ITPR2: variants seen among roughly 807,000 people sequenced by gnomAD.
ITPR2 encodes inositol 1,4,5-trisphosphate receptor type 2, also known as inositol 1,4,5-trisphosphate-gated calcium channel ITPR2.
Under a neutral mutation model 317.1 loss-of-function variants are expected in ITPR2, and 207 were observed. The observed-to-expected ratio is 0.65, with a 90% CI of 0.58 to 0.73. The LOEUF is 0.73. Among genes scored for constraint, ITPR2 ranks in the 30% least tolerant of loss-of-function variants. The pLI is 0.00. For synonymous variants in ITPR2, 1,156 were observed against 1,149.1 expected, an observed-to-expected ratio of 1.01 and a Z score of -0.12; for missense variants, 2,613 against 3,284.0, an observed-to-expected ratio of 0.80 and a Z score of 4.99.
At chr12:26,471,966 A>G (rs1942299683) in intron 45 of ITPR2, among the ~76,000 whole-genome samples, 1 of 152,222 alleles carries the variant, frequency 6.6e-6, no homozygotes, top group South Asian at 2.1e-4. Flanking sequence ...GGAACTTGGA[A>G]ACAATCTTAG....
intron 45 of ITPR2, among the ~76,000 whole-genome samples, chr12:26,461,647 T>C (rs1352398592): frequency 1.2e-3 from 38 of 31,494 alleles, no homozygotes; most frequent in Non-Finnish European, 4.7e-3. Flanking sequence ...TATATATATA[T>C]ATATATATAT....
chr12:26,526,652 C>A (rs925986946), intron 37 of ITPR2, among the ~76,000 whole-genome samples: 9 of 151,982 alleles, frequency 5.9e-5, no homozygotes, highest in African/African-American at 1.9e-4. Flanking sequence ...TTGGAGGTTA[C>A]AAATACTGAA....
intron 55 of ITPR2, among the ~76,000 whole-genome samples, chr12:26,376,368 C>T (rs1939344606): frequency 6.6e-6 from 1 of 152,160 alleles, no homozygotes; most frequent in African/African-American, 2.4e-5. Flanking sequence ...CCCCAGTGCT[C>T]AACCCTCCCT....
At chr12:26,795,024 T>C (rs1365045548) in intron 1 of ITPR2, among the ~76,000 whole-genome samples, 1 of 152,262 alleles carries the variant, frequency 6.6e-6, no homozygotes, top group Non-Finnish European at 1.5e-5. Context: ...TATTCCAGCT[T>C]TAGCATCTCA....
chr12:26,357,029 G>A (rs1172617420), intron 55 of ITPR2, among the ~76,000 whole-genome samples: 1 of 152,006 alleles, frequency 6.6e-6, no homozygotes, highest in Non-Finnish European at 1.5e-5. Context: ...TTTTATGATT[G>A]GCCAATCATA....
In ITPR2 at chr12:26,572,960, A is replaced by C. The variant is rs566828061; in HGVS notation, c.4630+5753T>G. On this transcript the variant is annotated intron_variant, in intron 34 of 56. Coordinates refer to ENST00000381340, the MANE Select transcript of ITPR2 (RefSeq NM_002223.4). Reference sequence around the variant, plus strand: ...ACAGGACTTTTGGGGCAACATGATAAAGCATAAAATTCGTACTCAAAAGAA... The same window carrying C: ...ACAGGACTTTTGGGGCAACATGATACAGCATAAAATTCGTACTCAAAAGAA... 2.0e-5 allele frequency among the ~76,000 whole-genome samples: 3 copies of C among 148,302 alleles called. No homozygotes were observed. The South Asian group carries it at 6.6e-4, about 33-fold the overall frequency.
chr12:26,713,403 T>C (rs1948684288), intron 8 of ITPR2, among the ~76,000 whole-genome samples: 2 of 152,166 alleles, frequency 1.3e-5, no homozygotes, highest in South Asian at 4.1e-4. Context: ...CTACCACCGA[T>C]ATAAACTGGC....
intron 55 of ITPR2, among the ~76,000 whole-genome samples, chr12:26,368,564 A>G (rs7137818): frequency 0.98 from 148,520 of 152,216 alleles, 72,572 homozygotes; most frequent in Non-Finnish European, 1. Flanking sequence ...CAGCTAGGAA[A>G]TGGCCAAGCT....
rs371574347 is a variant in ITPR2 at position 26,383,562 on chromosome 12, C to A, written c.7857+3872G>T. On this transcript the variant is annotated intron_variant, in intron 55 of 56. Transcript: ENST00000381340. ...GCAGTGGCGTGATCTCGGCTTACTA[C>A]AAGCTCCACCTCCCAGGTTCTCACC... is the stretch of plus-strand genomic sequence containing the variant. 1.4e-3 allele frequency among the ~76,000 whole-genome samples: 214 copies of A among 152,002 alleles called. 4 individuals are homozygous for A. The South Asian group carries it at 0.037, about 26-fold the overall frequency.
chr12:26,578,903 A>G (rs1437813682), intron 33 of ITPR2, 70 bp from the exon 34 acceptor site: 4 of 1,437,634 alleles, frequency 2.8e-6, no homozygotes, highest in Non-Finnish European at 3.8e-6. Flanking sequence ...GCATCTATGC[A>G]TTCTCAGAAA....
rs1238513859 is a variant in ITPR2, at chr12:26,724,520, T to TACGTCACAAC, written c.366+126_366+135dup. ...CACATATCAAATGAATACATCACAA[T>TACGTCACAAC]ACGTCACAACATCGATAATTCCCAT... On this transcript the variant is annotated intron_variant, in intron 4 of 56. Transcript: ENST00000381340. The TACGTCACAAC allele has an allele frequency of 7.5e-6, 5 of 665,576 alleles. No homozygotes were observed. In the African/African-American group the frequency reaches 9.1e-5, roughly 12 times the overall value. The allele number at this position is 665,576 out of a possible 1,614,324, so 41.2% of individuals were successfully genotyped here.
At chr12:26,533,211 T>C (rs1340603293) in intron 37 of ITPR2, among the ~76,000 whole-genome samples, 1 of 152,232 alleles carries the variant, frequency 6.6e-6, no homozygotes, top group Non-Finnish European at 1.5e-5. Context: ...ATGTTTTGAC[T>C]TTCTGCTAAA....
intron 2 of ITPR2, among the ~76,000 whole-genome samples, chr12:26,741,775 G>A (rs1183951658): frequency 2.6e-5 from 4 of 152,202 alleles, no homozygotes; most frequent in African/African-American, 9.7e-5. Flanking sequence ...AGTCCCCTCA[G>A]AAACCCATAG....
chr12:26,420,158 A>G (rs150106249), intron 49 of ITPR2, among the ~76,000 whole-genome samples: 13 of 152,292 alleles, frequency 8.5e-5, no homozygotes, highest in African/African-American at 3.1e-4. Context: ...CCATCTATTT[A>G]GTTCTAGAAT....
chr12:26,773,029 T>G (rs988520202), intron 2 of ITPR2, among the ~76,000 whole-genome samples: 2 of 152,154 alleles, frequency 1.3e-5, no homozygotes, highest in Non-Finnish European at 2.9e-5. Context: ...CCTGTATTAG[T>G]TTGCTTAGAA....
chr12:26,723,569 A>G (rs181034088), intron 4 of ITPR2, among the ~76,000 whole-genome samples: 3 of 152,306 alleles, frequency 2.0e-5, no homozygotes, highest in Admixed American at 6.5e-5. Context: ...CAGGTTTCAC[A>G]TTATCCATCA....
chr12:26,547,826 G>A (rs138478500), intron 37 of ITPR2, among the ~76,000 whole-genome samples: 127 of 152,240 alleles, frequency 8.3e-4, no homozygotes, highest in African/African-American at 2.9e-3. Flanking sequence ...TATTTTGGAT[G>A]TTATTCCTGT....
chr12:26,495,763 C>A (rs1331732182), intron 37 of ITPR2, among the ~76,000 whole-genome samples: 2 of 152,092 alleles, frequency 1.3e-5, no homozygotes, highest in African/African-American at 4.8e-5. Context: ...AAAGAAGACT[C>A]AGAATAATAA....
chr12:26,493,759 C>T (rs1385861028), intron 39 of ITPR2, among the ~76,000 whole-genome samples: 2 of 152,094 alleles, frequency 1.3e-5, no homozygotes, highest in East Asian at 1.9e-4. Flanking sequence ...CATCTGGGAA[C>T]ACTCCCCAGC....
Sources: allele counts gnomAD v4.1 joint callset (sites outside exome capture counted in the v4.1 genomes callset), GRCh38; gene constraint gnomAD v4.1.1; transcripts MANE v1.5; gene names NCBI Gene and HGNC (gene_info 2026-07-23, HGNC 2026-07-21).